Variants in CGGBP1 observed in about 807,000 individuals in gnomAD.
CGGBP1 encodes the protein CGG triplet repeat binding protein 1.
Under a neutral mutation model 11.4 loss-of-function variants are expected in CGGBP1, and 4 were observed. That is an observed-to-expected ratio of 0.35 (90% CI 0.17 to 0.80). CGGBP1 has a LOEUF of 0.80. Among genes scored for constraint, CGGBP1 ranks in the 30% least tolerant of loss-of-function variants. CGGBP1 has a pLI of 0.52. For missense variants in CGGBP1, 135 were observed against 202.1 expected, an observed-to-expected ratio of 0.67 and a Z score of 2.01; for synonymous variants, 76 against 74.1, an observed-to-expected ratio of 1.03 and a Z score of -0.13.
At chr3:88,119,952 G>A (rs967438603) in intron 2 of CGGBP1, among the ~76,000 whole-genome samples, 2 of 151,862 alleles carry the variant, frequency 1.3e-5, no homozygotes, top group Admixed American at 6.6e-5. Flanking sequence ...AAAGTAGCAT[G>A]TACATTTATT....
chr3:88,145,544 T>C (rs1211675913), intron 1 of CGGBP1, among the ~76,000 whole-genome samples: 1 of 152,150 alleles, frequency 6.6e-6, no homozygotes, highest in Non-Finnish European at 1.5e-5. Context: ...ATTTTCCTTT[T>C]CTGAAATTTG....
chr3:88,075,785 A>G (rs1182142592), intron 2 of CGGBP1, among the ~76,000 whole-genome samples: 2 of 151,024 alleles, frequency 1.3e-5, no homozygotes, highest in African/African-American at 4.9e-5. Flanking sequence ...TTGTTCCTTC[A>G]GTTATCTCTT....
chr3:88,091,647 G>C (rs935125382), intron 2 of CGGBP1, among the ~76,000 whole-genome samples: 2 of 152,114 alleles, frequency 1.3e-5, no homozygotes, highest in Non-Finnish European at 2.9e-5. Context: ...TAATCTCCAC[G>C]TGTCATGGAA....
At chr3:88,063,345 T>C (rs1339033764), upstream of CGGBP1, among the ~76,000 whole-genome samples, 12 of 152,184 alleles carry the variant, frequency 7.9e-5, no homozygotes, top group African/African-American at 2.7e-4. Context: ...TTAATGATCC[T>C]CAAATAGTTT....
intron 2 of CGGBP1, among the ~76,000 whole-genome samples, chr3:88,101,522 T>C (rs1178756110): frequency 6.6e-6 from 1 of 152,204 alleles, no homozygotes; most frequent in African/African-American, 2.4e-5. Flanking sequence ...CATTTATCAG[T>C]AGCTCATTTC....
At chr3:88,107,982 T>C (rs1375524634) in intron 2 of CGGBP1, among the ~76,000 whole-genome samples, 1 of 152,072 alleles carries the variant, frequency 6.6e-6, no homozygotes, top group South Asian at 2.1e-4. Context: ...TTTATTGTTC[T>C]TATCATTTTT....
At chr3:88,120,553 T>C (rs1705704933) in intron 2 of CGGBP1, among the ~76,000 whole-genome samples, 2 of 152,108 alleles carry the variant, frequency 1.3e-5, no homozygotes, top group South Asian at 4.1e-4. Flanking sequence ...ATTGACATGA[T>C]AATCAATAGA....
chr3:88,090,728 T>C (rs1178340976), intron 2 of CGGBP1, among the ~76,000 whole-genome samples: 1 of 152,214 alleles, frequency 6.6e-6, no homozygotes, highest in Non-Finnish European at 1.5e-5. Context: ...GTAAGTGCCC[T>C]GTACACATAA....
At chr3:88,147,553 A>G (rs551199923) in intron 1 of CGGBP1, among the ~76,000 whole-genome samples, 1 of 152,368 alleles carries the variant, frequency 6.6e-6, no homozygotes, top group East Asian at 1.9e-4. Context: ...AAGGTTGTAT[A>G]TCTACACTAT....
At chr3:88,126,151 C>T in intron 2 of CGGBP1, 1 of 1,517,408 alleles carries the variant, frequency 6.6e-7, no homozygotes, top group Non-Finnish European at 8.8e-7. Context: ...AGAATCACCT[C>T]CGCAGATATG....
rs543306905 is a variant in CGGBP1, at chr3:88,056,802, G to A, written c.-24+389C>T. On this transcript the variant is annotated intron_variant, in intron 3 of 3. Transcript: ENST00000482016. ...TACAGCAGAACCTCAATTAAAATTT[G>A]ATGGAAAAAGTACGTATCTTCAATA... is the stretch of plus-strand genomic sequence containing the variant. The A allele has an allele frequency of 9.3e-4, 141 of 152,214 alleles. 1 individual carries two copies. Among genetic ancestry groups the A allele is most frequent in the Non-Finnish European group, 1.6e-3 (112 of 67,984 alleles). 9.4% of individuals were successfully genotyped at this position (152,214 alleles called of 1,614,324 possible).
chr3:88,101,094 T>C (rs1392649862), intron 2 of CGGBP1, among the ~76,000 whole-genome samples: 10 of 152,172 alleles, frequency 6.6e-5, no homozygotes, highest in African/African-American at 9.7e-5. Flanking sequence ...TCCTTACCCA[T>C]TGCTAGTTAT....
chr3:88,116,732 A>C (rs1467075461), intron 2 of CGGBP1, among the ~76,000 whole-genome samples: 1 of 152,096 alleles, frequency 6.6e-6, no homozygotes, highest in South Asian at 2.1e-4. Flanking sequence ...CAGAGGTAAG[A>C]AAGTCTTATA....
intron 2 of CGGBP1, among the ~76,000 whole-genome samples, chr3:88,122,809 A>G (rs1289436700): frequency 2.6e-5 from 4 of 152,042 alleles, no homozygotes; most frequent in African/African-American, 9.7e-5. Flanking sequence ...GAGGAGTTCG[A>G]TACCAGCCTG....
intron 2 of CGGBP1, chr3:88,095,301 C>A: frequency 4.7e-6 from 1 of 212,416 alleles, no homozygotes; most frequent in Non-Finnish European, 9.3e-6. Context: ...CAGTGATAAG[C>A]ATATTTTATC....
upstream of CGGBP1, chr3:88,059,113 C>T: frequency 1.1e-6 from 1 of 925,422 alleles, no homozygotes; most frequent in East Asian, 2.7e-5. Context: ...GAAAGGCGGG[C>T]ATGAACATGA....
At chr3:88,116,394 C>G (rs955916932) in intron 2 of CGGBP1, among the ~76,000 whole-genome samples, 4 of 151,826 alleles carry the variant, frequency 2.6e-5, no homozygotes, top group African/African-American at 9.7e-5. Context: ...GCGGCTCATG[C>G]CTGTAATCCC....
At chr3:88,126,283 T>C (rs1706092365) in intron 2 of CGGBP1, 3 of 1,463,138 alleles carry the variant, frequency 2.1e-6, no homozygotes, top group Admixed American at 2.4e-5. Context: ...CTTCAGGAGA[T>C]TCAAAATCAA....
intron 2 of CGGBP1, chr3:88,129,770 A>C (rs1334370896): frequency 5.2e-6 from 8 of 1,528,634 alleles, no homozygotes; most frequent in Non-Finnish European, 6.1e-6. Context: ...TAGCCTTGCA[A>C]CTCTGTGAAT....
Sources: gnomAD v4.1 joint callset for allele counts (sites outside exome capture counted in the v4.1 genomes callset) on GRCh38, gnomAD v4.1.1 for gene constraint, MANE v1.5 for transcripts, NCBI Gene and HGNC (gene_info 2026-07-23, HGNC 2026-07-21) for gene names.